DPEP1: variants seen among roughly 807,000 people sequenced by gnomAD.
DPEP1 encodes the protein beta-lactamase.
Under a neutral mutation model 42.3 loss-of-function variants are expected in DPEP1, and 50 were observed. The observed-to-expected ratio is 1.18, with a 90% CI of 0.94 to 1.50. The LOEUF (loss-of-function observed/expected upper bound fraction) is 1.50. Ranked by LOEUF, DPEP1 falls within the 40% of genes most tolerant of loss-of-function variation. The pLI is 0.00. For missense variants in DPEP1, 663 were observed against 553.0 expected (o/e 1.20, Z -1.99); for synonymous variants, 297 against 234.0 (o/e 1.27, Z -2.46).
At chr16:89,625,276 C>G (rs533806347) in intron 1 of DPEP1, among the ~76,000 whole-genome samples, 1 of 152,268 alleles carries the variant, frequency 6.6e-6, no homozygotes, top group Admixed American at 6.5e-5. Context: ...TTCCCTGCCC[C>G]CAGACCCTAT....
Position 89,630,474 on chromosome 16 carries a change from G to T in DPEP1, c.64G>T (p.Glu22Ter). 1 of 1,609,486 alleles carries T rather than the reference G, an allele frequency of 6.2e-7. No homozygotes were observed. The highest frequency in any genetic ancestry group is 8.5e-7 in the Non-Finnish European group (1 of 1,178,426). Residue 22 changes from glutamate to a stop codon, truncating the protein, a stop_gained, in exon 2 of 11, where the codon GAG (glutamate) becomes TAG (stop). Transcript: ENST00000690203. LOFTEE classifies it high-confidence loss of function. The part of the protein sequence containing the change: ...AVCTADFFRD[E>*]AERIMRDSPV... The stretch of plus-strand genomic sequence containing the variant: ...CTGCACTGCAGACTTCTTTCGGGAC[G>T]AGGCAGAGAGGATCATGAGGGACTC...
chr16:89,625,660 A>C (rs2059502104), intron 1 of DPEP1, among the ~76,000 whole-genome samples: 1 of 152,196 alleles, frequency 6.6e-6, no homozygotes, highest in Non-Finnish European at 1.5e-5. Flanking sequence ...AAGGGCACCC[A>C]GTGTAGGGCA....
Position 89,638,295 on chromosome 16 carries a change from T to A in DPEP1, c.*73T>A. 1 of 1,465,094 alleles carries A rather than the reference T, an allele frequency of 6.8e-7. No homozygotes were observed. The highest frequency in any genetic ancestry group is 1.4e-5 in the South Asian group (1 of 70,278). The allele number at this position is 1,465,094 out of a possible 1,614,324, so 90.8% of individuals were successfully genotyped here. A position where few individuals can be genotyped will look rare whatever the true frequency, so the allele number is the denominator to read the frequency against. The stretch of plus-strand genomic sequence containing the variant: ...GACCCGCCCATCCCAGGACTCCAGA[T>A]GCCAGGAGCCCTGCTGCCCACATGC... On this transcript the variant is annotated 3_prime_UTR_variant, in exon 11 of 11. Transcript: ENST00000690203.
chr16:89,617,405 C>T (rs978690168), intron 1 of DPEP1, among the ~76,000 whole-genome samples: 1 of 152,150 alleles, frequency 6.6e-6, no homozygotes, highest in Admixed American at 6.5e-5. Flanking sequence ...AAGAATTGCT[C>T]AGCTAACATG....
intron 2 of DPEP1, among the ~76,000 whole-genome samples, chr16:89,634,281 G>A (rs1402459242): frequency 6.6e-6 from 1 of 151,844 alleles, no homozygotes; most frequent in African/African-American, 2.4e-5. Context: ...TAGAGACGGG[G>A]TTTCACCATG....
chr16:89,630,469 G>T lies in DPEP1; in HGVS notation c.59G>T (p.Arg20Leu). Residue 20 changes from arginine (R) to leucine (L), a missense_variant, in exon 2 of 11, where the codon CGG (arginine) becomes CTG (leucine). Arg to Leu is a moderately radical substitution (Grantham distance 102). Coordinates refer to ENST00000690203, the MANE Select transcript of DPEP1 (RefSeq NM_001389466.1). ...LVAVCTADFF[R>L]DEAERIMRDS... ...GCCGTCTGCACTGCAGACTTCTTTC[G>T]GGACGAGGCAGAGAGGATCATGAGG... The T allele has an allele frequency of 6.2e-7, 1 of 1,610,244 alleles. No individual in the cohort carries two copies. The highest frequency in any genetic ancestry group is 8.5e-7 in the Non-Finnish European group (1 of 1,178,656).
rs928825055 is a variant in DPEP1 at position 89,613,679 on chromosome 16, C to T, written c.-147C>T. ...AGCCTGGCGTGGGAGCTGCCTAGGC[C>T]GGGCCCTGCCAGGGAGCAAGTCTGC... On this transcript the variant is annotated 5_prime_UTR_variant, in exon 1 of 11. Transcript: ENST00000690203. The T allele has an allele frequency of 2.6e-5, 4 of 152,664 alleles. No homozygotes were observed. The highest frequency in any genetic ancestry group is 9.6e-5 in the African/African-American group (4 of 41,454). 9.5% of individuals were successfully genotyped at this position (152,664 alleles called of 1,614,324 possible).
chr16:89,615,383 C>T (rs1302206324), intron 1 of DPEP1, among the ~76,000 whole-genome samples: 1 of 152,230 alleles, frequency 6.6e-6, no homozygotes, highest in South Asian at 2.1e-4. Context: ...GGTCTACACG[C>T]AGCTCTGGAG....
At chr16:89,639,497 C>T (rs1597780074), downstream of DPEP1, among the ~76,000 whole-genome samples, 1 of 127,248 alleles carries the variant, frequency 7.9e-6, no homozygotes, top group Middle Eastern at 4.5e-3. Context: ...CACATCCCAC[C>T]CCTGCACACA....
rs903751665 is a variant in DPEP1, at chr16:89,633,156, G to A, written c.104+2642G>A. Among the ~76,000 whole-genome samples the A allele has an allele frequency of 1.1e-4, 16 of 152,194 alleles. 1 individual carries two copies. The highest frequency in any genetic ancestry group is 1.0e-3 in the Admixed American group (16 of 15,276). ...TGCCCAGTGTAGGGTTGCACCTAGC[G>A]ATGAGGCTGCTGCCCGGGCAGGGTC... On this transcript the variant is annotated intron_variant, in intron 2 of 10. Coordinates refer to ENST00000690203, the MANE Select transcript of DPEP1 (RefSeq NM_001389466.1).
chr16:89,636,841 G>C, intron 5 of DPEP1, 25 bp from the exon 6 acceptor site: 1 of 1,612,026 alleles, frequency 6.2e-7, no homozygotes, highest in Non-Finnish European at 8.5e-7. Flanking sequence ...CTCACCTCTT[G>C]GGCACCTGCC....
At chr16:89,638,646 C>T (rs977782580), downstream of DPEP1, among the ~76,000 whole-genome samples, 3 of 150,318 alleles carry the variant, frequency 2.0e-5, no homozygotes, top group Non-Finnish European at 3.0e-5. Flanking sequence ...AGCCATGCAC[C>T]GGTGCACACA....
At chr16:89,629,422 G>A (rs1319721113) in intron 1 of DPEP1, among the ~76,000 whole-genome samples, 2 of 152,072 alleles carry the variant, frequency 1.3e-5, no homozygotes, top group African/African-American at 2.4e-5. Context: ...GGGTTGCTTG[G>A]GCCCAGGAGG....
chr16:89,618,915 C>T (rs1423038002), intron 1 of DPEP1, among the ~76,000 whole-genome samples: 1 of 149,468 alleles, frequency 6.7e-6, no homozygotes, highest in African/African-American at 2.4e-5. Flanking sequence ...GGGTTGCCCT[C>T]CCTGCTCCCT....
chr16:89,620,332 G>T (rs2059433201), intron 1 of DPEP1, among the ~76,000 whole-genome samples: 1 of 152,048 alleles, frequency 6.6e-6, no homozygotes, highest in Non-Finnish European at 1.5e-5. Context: ...AGACTCTCTG[G>T]GCTCGTTGGG....
chr16:89,616,871 G>C (rs1259811977), intron 1 of DPEP1: 1 of 238,832 alleles, frequency 4.2e-6, no homozygotes. Context: ...CAGGAAGTGG[G>C]CAGGAAGCGG....
At chr16:89,617,478 C>T (rs994958762) in intron 1 of DPEP1, among the ~76,000 whole-genome samples, 2 of 152,220 alleles carry the variant, frequency 1.3e-5, no homozygotes, top group African/African-American at 4.8e-5. Context: ...CAGGAGGTCT[C>T]CAGGCCATCT....
At chr16:89,626,771 C>G (rs1407098752) in intron 1 of DPEP1, among the ~76,000 whole-genome samples, 1 of 152,132 alleles carries the variant, frequency 6.6e-6, no homozygotes, top group Non-Finnish European at 1.5e-5. Flanking sequence ...TTTCCTGAGG[C>G]CTCCCCAGCC....
At chr16:89,632,473 G>A (rs1056900820) in intron 2 of DPEP1, among the ~76,000 whole-genome samples, 1 of 152,192 alleles carries the variant, frequency 6.6e-6, no homozygotes, top group Non-Finnish European at 1.5e-5. Flanking sequence ...AAAACGGGGG[G>A]TTTTAAAGTC....
Sources: gnomAD v4.1 joint callset for allele counts (sites outside exome capture counted in the v4.1 genomes callset) on GRCh38, gnomAD v4.1.1 for gene constraint, MANE v1.5 for transcripts, NCBI Gene and HGNC (gene_info 2026-07-23, HGNC 2026-07-21) for gene names.